GABRG3: variants seen among roughly 807,000 people sequenced by gnomAD.
GABRG3 encodes the protein gamma-aminobutyric acid receptor subunit gamma-3.
Under a neutral mutation model 48.8 loss-of-function variants are expected in GABRG3, and 25 were observed. The ratio of observed to expected loss-of-function variants is 0.51; its 90% CI spans 0.37 to 0.72. The LOEUF is 0.72. GABRG3 is among the 30% of genes least tolerant of loss of function. The pLI, the probability that GABRG3 is intolerant of heterozygous loss-of-function variation, is 0.00. For synonymous variants in GABRG3, 227 were observed against 217.6 expected (o/e 1.04, Z -0.38); for missense variants, 394 against 577.9 (o/e 0.68, Z 3.26).
intron 3 of GABRG3, among the ~76,000 whole-genome samples, chr15:27,299,325 C>T (rs1432293107): frequency 2.0e-5 from 3 of 152,100 alleles, no homozygotes; most frequent in African/African-American, 7.2e-5. Flanking sequence ...AACACCATGG[C>T]CCATGGCCAT....
Position 27,188,032 on chromosome 15 carries a change from C to G in GABRG3, c.271-138777C>G, listed in dbSNP as rs1040030669. 3.3e-5 allele frequency among the ~76,000 whole-genome samples: 5 copies of G among 152,134 alleles called. No individual in the cohort carries two copies. In the South Asian group the frequency reaches 8.3e-4, roughly 25 times the overall value. On this transcript the variant is annotated intron_variant, in intron 3 of 9. Coordinates refer to ENST00000615808, the MANE Select transcript of GABRG3 (RefSeq NM_033223.5). ...TGAGAATGATGATTTCCAATTTCAT[C>G]CATGTCCCTACAAAGGACCTGAACT...
At chr15:27,463,003 C>A (rs1889494693) in intron 5 of GABRG3, among the ~76,000 whole-genome samples, 1 of 151,954 alleles carries the variant, frequency 6.6e-6, no homozygotes, top group Admixed American at 6.6e-5. Context: ...AAAATAAGCA[C>A]CACAAGTTTT....
At chr15:27,299,334 A>G (rs1892115914) in intron 3 of GABRG3, among the ~76,000 whole-genome samples, 1 of 152,234 alleles carries the variant, frequency 6.6e-6, no homozygotes, top group Non-Finnish European at 1.5e-5. Flanking sequence ...GCCCATGGCC[A>G]TAATGCCTGG....
rs1169292187 is a variant in GABRG3, at chr15:27,420,670, T to A, written c.575-59980T>A. 5 of 152,216 alleles carry A rather than the reference T, an allele frequency of 3.3e-5. No homozygotes were observed. In the East Asian group the frequency reaches 5.8e-4, roughly 18 times the overall value. The allele number at this position is 152,216 out of a possible 1,614,324, so 9.4% of individuals were successfully genotyped here. A position where few individuals can be genotyped will look rare whatever the true frequency, so the allele number is the denominator to read the frequency against. ...TACACCTTAAAGGTATGTAACTTAT[T>A]TGTAATTTTACCTCCATAAATCTGG... On this transcript the variant is annotated intron_variant, in intron 5 of 9. Coordinates refer to ENST00000615808, the MANE Select transcript of GABRG3 (RefSeq NM_033223.5).
chr15:27,258,517 G>A (rs920279944), intron 3 of GABRG3, among the ~76,000 whole-genome samples: 1 of 152,054 alleles, frequency 6.6e-6, no homozygotes, highest in Non-Finnish European at 1.5e-5. Context: ...TGGCCTTCTC[G>A]GGTTACACTG....
At chr15:27,271,918 C>T (rs1891103795) in intron 3 of GABRG3, among the ~76,000 whole-genome samples, 1 of 152,180 alleles carries the variant, frequency 6.6e-6, no homozygotes, top group Non-Finnish European at 1.5e-5. Flanking sequence ...CTTGTGCATT[C>T]TGGGGCCCTG....
chr15:27,196,953 G>GC (rs1317272585), intron 3 of GABRG3, among the ~76,000 whole-genome samples: 2 of 152,142 alleles, frequency 1.3e-5, no homozygotes, highest in Non-Finnish European at 2.9e-5. Context: ...TTAGAGTGAG[G>GC]CCCAGTGAGG....
chr15:27,078,482 G>C (rs965996261), intron 3 of GABRG3, among the ~76,000 whole-genome samples: 4 of 152,052 alleles, frequency 2.6e-5, no homozygotes, highest in African/African-American at 9.7e-5. Context: ...TTTTATGAAA[G>C]GAAAAACATG....
At chr15:27,464,065 C>T (rs892607078) in intron 5 of GABRG3, among the ~76,000 whole-genome samples, 2 of 152,106 alleles carry the variant, frequency 1.3e-5, no homozygotes, top group African/African-American at 2.4e-5. Flanking sequence ...CATACTACTC[C>T]AGGTTTTTTT....
intron 5 of GABRG3, among the ~76,000 whole-genome samples, chr15:27,371,880 A>G (rs187072716): frequency 6.6e-6 from 1 of 152,336 alleles, no homozygotes; most frequent in East Asian, 1.9e-4. Flanking sequence ...GTGATGGGCA[A>G]CATACAATTT....
intron 3 of GABRG3, among the ~76,000 whole-genome samples, chr15:27,197,921 G>A (rs1888548111): frequency 6.6e-6 from 1 of 152,068 alleles, no homozygotes; most frequent in South Asian, 2.1e-4. Context: ...ATTATCTGGT[G>A]GTAGTTTGTA....
intron 2 of GABRG3, among the ~76,000 whole-genome samples, chr15:26,988,591 C>A (rs1277310368): frequency 6.6e-6 from 1 of 151,980 alleles, no homozygotes; most frequent in African/African-American, 2.4e-5. Flanking sequence ...ATAAAAAAGC[C>A]CAATCTAACA....
intron 3 of GABRG3, among the ~76,000 whole-genome samples, chr15:27,214,983 C>T (rs958593579): frequency 1.3e-5 from 2 of 152,172 alleles, no homozygotes; most frequent in African/African-American, 2.4e-5. Flanking sequence ...TTAGTATCGT[C>T]GTTGGTATTG....
intron 3 of GABRG3, among the ~76,000 whole-genome samples, chr15:27,209,855 C>T (rs1425633770): frequency 6.6e-6 from 1 of 152,228 alleles, no homozygotes; most frequent in African/African-American, 2.4e-5. Flanking sequence ...GACCTCTCTC[C>T]TTGGCCTGCA....
intron 3 of GABRG3, among the ~76,000 whole-genome samples, chr15:27,188,764 G>A (rs1389410323): frequency 6.6e-6 from 1 of 152,154 alleles, no homozygotes; most frequent in Non-Finnish European, 1.5e-5. Flanking sequence ...GGCTTTTGTT[G>A]CCATTGCTTT....
intron 3 of GABRG3, among the ~76,000 whole-genome samples, chr15:27,308,645 C>A (rs191648732): frequency 1.3e-5 from 2 of 148,390 alleles, no homozygotes; most frequent in African/African-American, 4.9e-5. Flanking sequence ...TGTAAACATA[C>A]GCTTATGTAT....
Position 27,475,231 on chromosome 15 carries a change from T to C in GABRG3, c.575-5419T>C, listed in dbSNP as rs1595779638. Among the ~76,000 whole-genome samples, 5 of 152,218 alleles carry C rather than the reference T, an allele frequency of 3.3e-5. No homozygotes were observed. In the South Asian group the frequency reaches 1.0e-3, roughly 32 times the overall value. ...GTGCAGCGGGTGAAGGGATGGACAC[T>C]AGAGTCATACATCCTAACCTTATAC... On this transcript the variant is annotated intron_variant, in intron 5 of 9. Transcript: ENST00000615808.
At chr15:27,307,099 A>C (rs985001229) in intron 3 of GABRG3, among the ~76,000 whole-genome samples, 2 of 125,966 alleles carry the variant, frequency 1.6e-5, no homozygotes, top group Non-Finnish European at 3.1e-5. Context: ...AACATATAAT[A>C]TAAACATGTT....
chr15:27,356,698 C>T (rs1340037405), intron 5 of GABRG3, among the ~76,000 whole-genome samples: 1 of 152,170 alleles, frequency 6.6e-6, no homozygotes, highest in Non-Finnish European at 1.5e-5. Context: ...TTAACCAACC[C>T]AAACAGTCAA....
Sources: gnomAD v4.1 joint callset for allele counts (sites outside exome capture counted in the v4.1 genomes callset) on GRCh38, gnomAD v4.1.1 for gene constraint, MANE v1.5 for transcripts, NCBI Gene and HGNC (gene_info 2026-07-23, HGNC 2026-07-21) for gene names.